PPP4R1: variants seen among roughly 807,000 people sequenced by gnomAD.
PPP4R1 encodes serine/threonine-protein phosphatase 4 regulatory subunit 1.
A neutral mutation model predicts 111.2 loss-of-function variants in PPP4R1; 42 were observed. That is an observed-to-expected ratio of 0.38 (90% CI 0.29 to 0.49). The LOEUF is 0.49. PPP4R1 is among the 20% of genes least tolerant of loss of function. PPP4R1 has a pLI of 0.97. For synonymous variants in PPP4R1, 409 were observed against 405.5 expected, an observed-to-expected ratio of 1.01 and a Z score of -0.10; for missense variants, 1,012 against 1,161.6, an observed-to-expected ratio of 0.87 and a Z score of 1.87.
At chr18:9,590,088 T>G (rs2067186075) in intron 4 of PPP4R1, 1 of 152,092 alleles carries the variant, frequency 6.6e-6, no homozygotes, top group Non-Finnish European at 1.5e-5. Flanking sequence ...GTGACTGAAA[T>G]ACAGACAGAC....
Position 9,614,176 on chromosome 18 carries a change from C to G in PPP4R1, c.52+50G>C, listed in dbSNP as rs977440837. ...CAGGCCTCGCCGCCGCCCGCCCTCC[C>G]CGGCCGCTCCCCGCGGACTGCCAGG... On this transcript the variant is annotated intron_variant, in intron 2 of 19. Coordinates refer to ENST00000400556, the MANE Select transcript of PPP4R1 (RefSeq NM_001042388.3). The surrounding 1 kb of genome is among the most constrained non-coding windows in gnomAD (Gnocchi z 4.1). 1 of 1,312,416 alleles carries G rather than the reference C, an allele frequency of 7.6e-7. No homozygotes were observed. The highest frequency in any genetic ancestry group is 1.6e-5 in the African/African-American group (1 of 63,922). 81.3% of individuals were successfully genotyped at this position (1,312,416 alleles called of 1,614,324 possible).
rs2067657340 is a variant in PPP4R1 at position 9,614,558 on chromosome 18, G to A, written c.-74C>T. On this transcript the variant is annotated 5_prime_UTR_variant, in exon 1 of 20. Coordinates refer to ENST00000400556, the MANE Select transcript of PPP4R1 (RefSeq NM_001042388.3). The surrounding 1 kb of genome is among the most constrained non-coding windows in gnomAD (Gnocchi z 4.1). ...TGGAGCGGCGCGAGCCGGGGAGCCG[G>A]TGGACGCGCGCGGGAGGGGCGGCGG... 6 of 968,490 alleles carry A rather than the reference G, an allele frequency of 6.2e-6. No homozygotes were observed. In the South Asian group the frequency reaches 2.8e-4, roughly 45 times the overall value. The allele number at this position is 968,490 out of a possible 1,614,324, so 60.0% of individuals were successfully genotyped here.
intron 8 of PPP4R1, among the ~76,000 whole-genome samples, chr18:9,583,890 T>C (rs1443636204): frequency 3.3e-5 from 5 of 152,060 alleles, no homozygotes; most frequent in African/African-American, 1.2e-4. Context: ...AAATGTATTA[T>C]TTCACAAAAG....
chr18:9,613,952 G>A, intron 2 of PPP4R1: 1 of 247,000 alleles, frequency 4.0e-6, no homozygotes, highest in Non-Finnish European at 7.8e-6. Flanking sequence ...TGCTGAGCCC[G>A]CAGGCGATTC....
At chr18:9,577,225 C>T in intron 9 of PPP4R1, 34 bp from the exon 10 acceptor site, 1 of 1,575,394 alleles carries the variant, frequency 6.3e-7, no homozygotes. Context: ...ATAAAGGAAT[C>T]ATTTTGAAAA....
chr18:9,613,280 G>T (rs937404318), intron 2 of PPP4R1, among the ~76,000 whole-genome samples: 4 of 152,052 alleles, frequency 2.6e-5, no homozygotes, highest in Non-Finnish European at 4.4e-5. Context: ...TTGATGGGTC[G>T]CTATTTTGGA....
rs2145393587 is a variant in PPP4R1 at position 9,614,437 on chromosome 18, T to C, written c.7+41A>G. 2 of 1,006,080 alleles carry C rather than the reference T, an allele frequency of 2.0e-6. No individual in the cohort carries two copies. The highest frequency in any genetic ancestry group is 6.2e-5 in the Admixed American group (1 of 16,138). The allele number at this position is 1,006,080 out of a possible 1,614,324, so 62.3% of individuals were successfully genotyped here. A position where few individuals can be genotyped will look rare whatever the true frequency, so the allele number is the denominator to read the frequency against. On this transcript the variant is annotated intron_variant, in intron 1 of 19. Transcript: ENST00000400556. This position sits in a 1 kb window ranked among gnomAD's most constrained non-coding sequence, Gnocchi z 4.1. ...GGGCTGCGGCGGAGGGCGGGTGGGC[T>C]CGAGGAGCCGCCGCCGCCCGGAGAA...
chr18:9,553,868 T>C (rs1031452862), intron 15 of PPP4R1, among the ~76,000 whole-genome samples: 5 of 152,238 alleles, frequency 3.3e-5, no homozygotes, highest in Non-Finnish European at 7.3e-5. Flanking sequence ...TCCCAATAGC[T>C]GCTCTATAAA....
chr18:9,557,308 T>C lies in PPP4R1; in HGVS notation c.2103A>G (p.Ala701=), dbSNP rs1384811891. Reference sequence around the variant, plus strand: ...ATCCATTAAAAATTGGAACCAGATCTGCAGCTGTCAATTGATCTCCAAGAA... The same window carrying C: ...ATCCATTAAAAATTGGAACCAGATCCGCAGCTGTCAATTGATCTCCAAGAA... ...AVILGDQLTA[A]DLVPIFNGFL... Residue 701 remains alanine (A), a synonymous_variant, in exon 15 of 20, where the codon GCA becomes GCG. Coordinates refer to ENST00000400556, the MANE Select transcript of PPP4R1 (RefSeq NM_001042388.3). The C allele has an allele frequency of 1.2e-5, 19 of 1,613,226 alleles. No homozygotes were observed. Among genetic ancestry groups the C allele is most frequent in the Non-Finnish European group, 1.4e-5 (17 of 1,179,658 alleles).
rs965544716 is a variant in PPP4R1 at position 9,556,824 on chromosome 18, T to C, written c.2190+397A>G. Among the ~76,000 whole-genome samples the C allele has an allele frequency of 7.2e-5, 11 of 152,272 alleles. No individual in the cohort carries two copies. In the East Asian group the frequency reaches 9.6e-4, roughly 13 times the overall value. On this transcript the variant is annotated intron_variant, in intron 15 of 19. Transcript: ENST00000400556. ...AGATTGAAAATACAGTATTCCCGGA[T>C]GTGAAACTGGAGTACACGGAGGGCA...
intron 9 of PPP4R1, among the ~76,000 whole-genome samples, chr18:9,581,067 A>G (rs2145177142): frequency 6.6e-6 from 1 of 152,322 alleles, no homozygotes; most frequent in Non-Finnish European, 1.5e-5. Context: ...TAAACAAGCA[A>G]ATAACAGTAA....
intron 2 of PPP4R1, among the ~76,000 whole-genome samples, chr18:9,604,760 TC>T (rs1427494427): frequency 1.3e-5 from 2 of 152,150 alleles, no homozygotes; most frequent in African/African-American, 2.4e-5. Context: ...CTCCTCTCCC[TC>T]CCCAACATAT....
intron 2 of PPP4R1, among the ~76,000 whole-genome samples, chr18:9,605,734 AGACAGTTGCCATAAG>A (rs1314531029): frequency 1.3e-5 from 2 of 152,178 alleles, no homozygotes; most frequent in Non-Finnish European, 2.9e-5. Flanking sequence ...TTACAGCAAA[AGACAGTTGCCATAAG>A]GACATTACTG....
chr18:9,614,117 G>T lies in PPP4R1; in HGVS notation c.52+109C>A. ...CCCCAGCCCGCCTGGGGCCGCCCTC[G>T]CCCACCGTCCCCTCAGCCAGCCAGG... On this transcript the variant is annotated intron_variant, in intron 2 of 19. Transcript: ENST00000400556. The surrounding 1 kb of genome is among the most constrained non-coding windows in gnomAD (Gnocchi z 4.1). 2.0e-6 allele frequency: 2 copies of T among 990,770 alleles called. No homozygotes were observed. The highest frequency in any genetic ancestry group is 2.6e-6 in the Non-Finnish European group (2 of 777,684). 61.4% of individuals were successfully genotyped at this position (990,770 alleles called of 1,614,324 possible).
chr18:9,611,048 T>C (rs778432131), intron 2 of PPP4R1, among the ~76,000 whole-genome samples: 6 of 152,126 alleles, frequency 3.9e-5, no homozygotes, highest in Non-Finnish European at 8.8e-5. Flanking sequence ...CTCTTAGCAA[T>C]GTCTGGCAAT....
chr18:9,604,877 G>C (rs7230238), intron 2 of PPP4R1, among the ~76,000 whole-genome samples: 2 of 152,120 alleles, frequency 1.3e-5, no homozygotes, highest in African/African-American at 4.8e-5. Flanking sequence ...TGAAAATGTA[G>C]TCCATAGGGA....
At chr18:9,582,322 T>TAGGG (rs76171588) in intron 9 of PPP4R1, among the ~76,000 whole-genome samples, 51,176 of 151,482 alleles carry the variant, frequency 0.34, 8,936 homozygotes, top group Middle Eastern at 0.45. Flanking sequence ...AGACTCAAAT[T>TAGGG]ACTCAAATAG....
In PPP4R1 at chr18:9,614,048, G is replaced by A. The variant is rs1434088241; in HGVS notation, c.52+178C>T. The stretch of plus-strand genomic sequence containing the variant: ...CTCCCTCCCCCAGCGGAACCTGGGC[G>A]CGCCGTTTCCTCACGGACGCGAGAT... On this transcript the variant is annotated intron_variant, in intron 2 of 19. Transcript: ENST00000400556. This position sits in a 1 kb window ranked among gnomAD's most constrained non-coding sequence, Gnocchi z 4.1. The A allele has an allele frequency of 1.5e-5, 6 of 395,358 alleles. No homozygotes were observed. Among genetic ancestry groups the A allele is most frequent in the Non-Finnish European group, 2.4e-5 (6 of 248,290 alleles). 24.5% of individuals were successfully genotyped at this position (395,358 alleles called of 1,614,324 possible).
Position 9,602,367 on chromosome 18 carries a change from TAAAAAAAAAAAAAAAA to T in PPP4R1, c.53-7230_53-7215del, listed in dbSNP as rs11324056. 4.2e-4 allele frequency among the ~76,000 whole-genome samples: 19 copies of T among 45,182 alleles called. 1 individual carries two copies. The South Asian group carries it at 0.013, about 31-fold the overall frequency. The allele number at this position is 45,182 out of a possible 152,430, so 29.6% of individuals were successfully genotyped here. Reference sequence around the variant, plus strand: ...TAACATGGTGAAACCCCATCTCTACTAAAAAAAAAAAAAAAAAAAAAAAAAAAAATTAGCCGGGCGT... The same window carrying T: ...TAACATGGTGAAACCCCATCTCTACTAAAAAAAAAAAAATTAGCCGGGCGT... On this transcript the variant is annotated intron_variant, in intron 2 of 19. Transcript: ENST00000400556.
Sources: gnomAD v4.1 joint callset for allele counts (sites outside exome capture counted in the v4.1 genomes callset) on GRCh38, gnomAD v4.1.1 for gene constraint, Gnocchi (gnomAD v3.1) non-coding constraint, MANE v1.5 for transcripts, NCBI Gene and HGNC (gene_info 2026-07-23, HGNC 2026-07-21) for gene names.